The following TENM2 variants were observed in gnomAD, a reference collection of about 807,000 sequenced individuals.
TENM2 encodes teneurin transmembrane protein 2.
Under a neutral mutation model 245.2 loss-of-function variants are expected in TENM2, and 52 were observed. That is an observed-to-expected ratio of 0.21 (90% CI 0.17 to 0.27). The LOEUF (loss-of-function observed/expected upper bound fraction) is 0.27. Ranked by LOEUF, TENM2 falls within the 10% of genes least tolerant of loss-of-function variation. The probability of loss-of-function intolerance (pLI) is 1.00; values close to 1 mark genes in which losing one functional copy is unlikely to be tolerated. For synonymous variants in TENM2, 1,363 were observed against 1,438.9 expected (o/e 0.95, Z 1.19); for missense variants, 3,046 against 3,666.8 (o/e 0.83, Z 4.37).
At chr5:167,650,234 C>T (rs1176248241) in intron 2 of TENM2, among the ~76,000 whole-genome samples, 2 of 152,152 alleles carry the variant, frequency 1.3e-5, no homozygotes, top group African/African-American at 4.8e-5. Flanking sequence ...CTGCTGTGGT[C>T]CCTTCCTCAT....
At chr5:168,185,904 T>C in intron 13 of TENM2, among the ~76,000 whole-genome samples, 1 of 134,398 alleles carries the variant, frequency 7.4e-6, no homozygotes, top group East Asian at 2.1e-4. Flanking sequence ...ATATACTATA[T>C]ACCAGACTGA....
intron 1 of TENM2, among the ~76,000 whole-genome samples, chr5:167,313,378 C>T (rs747954910): frequency 8.5e-5 from 13 of 152,138 alleles, no homozygotes; most frequent in East Asian, 3.9e-4. Flanking sequence ...CGGTGGCTCA[C>T]GCCTTATAAT....
intron 4 of TENM2, among the ~76,000 whole-genome samples, chr5:167,990,436 G>C (rs1783579965): frequency 1.3e-5 from 2 of 152,202 alleles, no homozygotes; most frequent in African/African-American, 4.8e-5. Flanking sequence ...TGTAGGATTA[G>C]TGATGCTTTT....
At chr5:167,402,088 A>G (rs1366941319) in intron 2 of TENM2, among the ~76,000 whole-genome samples, 2 of 152,130 alleles carry the variant, frequency 1.3e-5, no homozygotes, top group African/African-American at 4.8e-5. Flanking sequence ...TAAGAGAAGC[A>G]GTTGGTTTTG....
intron 5 of TENM2, among the ~76,000 whole-genome samples, chr5:168,042,427 G>A (rs1788270914): frequency 6.6e-6 from 1 of 152,130 alleles, no homozygotes; most frequent in Non-Finnish European, 1.5e-5. Context: ...CTGACATATT[G>A]ATTGACTCTC....
intron 2 of TENM2, among the ~76,000 whole-genome samples, chr5:167,841,835 C>G (rs1769542570): frequency 6.6e-6 from 1 of 152,002 alleles, no homozygotes; most frequent in Admixed American, 6.6e-5. Flanking sequence ...AGTTCCTTTA[C>G]CTGCACTTCT....
chr5:167,251,671 G>T, the TENM2 span, among the ~76,000 whole-genome samples: 16 of 152,136 alleles, frequency 1.1e-4, no homozygotes, highest in Non-Finnish European at 2.4e-4. Context: ...CTTACTAAGA[G>T]ATGGAAGACA....
At position 167,532,826 on chromosome 5, in the gene TENM2, G is replaced by GTGTATATATA. The variant is rs1554170577; in HGVS notation, c.502+157354_502+157355insGTATATATAT. 7.3e-3 allele frequency among the ~76,000 whole-genome samples: 1,054 copies of GTGTATATATA among 144,506 alleles called. 10 individuals carry two copies. Among genetic ancestry groups the GTGTATATATA allele is most frequent in the African/African-American group, 0.024 (943 of 38,604 alleles). The allele number at this position is 144,506 out of a possible 152,430, so 94.8% of individuals were successfully genotyped here. ...TATTTGTGTGTATGTGTGTGTGTGT[G>GTGTATATATA]TATATATATATATATATATGCTATC... On this transcript the variant is annotated intron_variant, in intron 2 of 28. Coordinates refer to ENST00000518659, the Ensembl canonical transcript of TENM2.
the TENM2 span, among the ~76,000 whole-genome samples, chr5:166,999,724 G>C: frequency 2.0e-5 from 3 of 152,106 alleles, no homozygotes; most frequent in South Asian, 6.2e-4. Flanking sequence ...ACAAGTTTTC[G>C]AGGAAAAGAT....
chr5:167,369,619 G>T (rs1760282029), intron 1 of TENM2, among the ~76,000 whole-genome samples: 1 of 152,072 alleles, frequency 6.6e-6, no homozygotes, highest in South Asian at 2.1e-4. Context: ...GAGAAAGTGG[G>T]CAGGGATGGG....
the TENM2 span, among the ~76,000 whole-genome samples, chr5:167,090,165 G>A: frequency 3.3e-5 from 5 of 151,388 alleles, no homozygotes; most frequent in Non-Finnish European, 5.9e-5. Context: ...CCATTCTAGT[G>A]TATTTTCTTT....
the TENM2 span, among the ~76,000 whole-genome samples, chr5:167,198,347 A>G: frequency 1.2e-4 from 18 of 152,156 alleles, no homozygotes; most frequent in Non-Finnish European, 2.6e-4. Flanking sequence ...ATTTCTGTGC[A>G]GTTCACAGAG....
At chr5:166,999,256 G>A in the TENM2 span, among the ~76,000 whole-genome samples, 3 of 152,140 alleles carry the variant, frequency 2.0e-5, no homozygotes, top group African/African-American at 2.4e-5. Context: ...AGAACCAGGT[G>A]ACAGCCTTTG....
the TENM2 span, among the ~76,000 whole-genome samples, chr5:167,003,996 A>G: frequency 1.3e-5 from 2 of 152,320 alleles, no homozygotes; most frequent in African/African-American, 4.8e-5. Flanking sequence ...TTCCGAGTCA[A>G]TTCCTTTGCT....
intron 5 of TENM2, among the ~76,000 whole-genome samples, chr5:168,017,468 A>G: frequency 6.6e-6 from 1 of 152,180 alleles, no homozygotes; most frequent in Non-Finnish European, 1.5e-5. Flanking sequence ...GAGTTCCACA[A>G]ATGTCCTTTG....
At chr5:167,414,294 A>C (rs949480239) in intron 2 of TENM2, among the ~76,000 whole-genome samples, 1 of 152,186 alleles carries the variant, frequency 6.6e-6, no homozygotes, top group Admixed American at 6.6e-5. Flanking sequence ...AAATTACCAT[A>C]TTCAGAAAAT....
the TENM2 span, among the ~76,000 whole-genome samples, chr5:167,219,742 T>C: frequency 6.6e-6 from 1 of 152,228 alleles, no homozygotes; most frequent in South Asian, 2.1e-4. Flanking sequence ...ATAAAACTAA[T>C]GCTATGAAAA....
intron 7 of TENM2, among the ~76,000 whole-genome samples, chr5:168,067,030 CAAT>C (rs1160255462): frequency 1.3e-5 from 2 of 152,134 alleles, no homozygotes. Flanking sequence ...AAGAACAAGT[CAAT>C]AATTGGCAGA....
intron 2 of TENM2, among the ~76,000 whole-genome samples, chr5:167,789,477 T>G (rs1764802843): frequency 6.6e-6 from 1 of 152,186 alleles, no homozygotes; most frequent in African/African-American, 2.4e-5. Flanking sequence ...GATTCCAACA[T>G]TTCTTCTCTG....
Sources: gnomAD v4.1 joint callset for allele counts (sites outside exome capture counted in the v4.1 genomes callset) on GRCh38, gnomAD v4.1.1 for gene constraint, MANE v1.5 for transcripts, NCBI Gene and HGNC (gene_info 2026-07-23, HGNC 2026-07-21) for gene names.